Variants in MROH9 observed in about 807,000 individuals in gnomAD.
The protein encoded by MROH9 is maestro heat-like repeat-containing protein family member 9.
A neutral mutation model predicts 98.2 loss-of-function variants in MROH9; 92 were observed. That is an observed-to-expected ratio of 0.94 (90% CI 0.79 to 1.11). The LOEUF (loss-of-function observed/expected upper bound fraction) is 1.11. Ranked by LOEUF, MROH9 falls within the 50% of genes most tolerant of loss-of-function variation. The pLI, the probability that MROH9 is intolerant of heterozygous loss-of-function variation, is 0.00. For synonymous variants in MROH9, 397 were observed against 368.9 expected (o/e 1.08, Z -0.87); for missense variants, 1,057 against 1,014.8 (o/e 1.04, Z -0.57).
At chr1:171,064,022 C>A in intron 21 of MROH9, 77 bp from the exon 22 acceptor site, 1 of 1,389,490 alleles carries the variant, frequency 7.2e-7, no homozygotes, top group South Asian at 1.5e-5. Flanking sequence ...TGAAAGGTGG[C>A]AGGGCTGTTT....
chr1:171,003,431 G>T (rs554599421), intron 15 of MROH9, among the ~76,000 whole-genome samples: 2 of 152,252 alleles, frequency 1.3e-5, no homozygotes, highest in African/African-American at 4.8e-5. Context: ...GTCCCACAGG[G>T]TGTTCCCTTG....
At chr1:170,951,222 G>T (rs1236326617) in intron 3 of MROH9, among the ~76,000 whole-genome samples, 1 of 152,054 alleles carries the variant, frequency 6.6e-6, no homozygotes, top group South Asian at 2.1e-4. Context: ...AGAAAATTTA[G>T]AAAGTGCAAA....
intron 21 of MROH9, among the ~76,000 whole-genome samples, chr1:171,062,885 C>T (rs890382963): frequency 6.6e-6 from 1 of 152,134 alleles, no homozygotes; most frequent in South Asian, 2.1e-4. Context: ...CTCTCCTCAC[C>T]TATGCATAGC....
At chr1:170,987,502 T>C (rs1184500923) in intron 10 of MROH9, among the ~76,000 whole-genome samples, 1 of 152,198 alleles carries the variant, frequency 6.6e-6, no homozygotes, top group Non-Finnish European at 1.5e-5. Context: ...AGTCTCTCTC[T>C]CTCAATTCTT....
At chr1:170,973,828 T>A (rs750160608) in intron 8 of MROH9, among the ~76,000 whole-genome samples, 33 of 152,200 alleles carry the variant, frequency 2.2e-4, no homozygotes, top group Admixed American at 5.2e-4. Context: ...TGAGCTGGTA[T>A]CGTGCCACTG....
At chr1:170,970,385 G>A (rs1329259986) in intron 7 of MROH9, among the ~76,000 whole-genome samples, 3 of 142,524 alleles carry the variant, frequency 2.1e-5, no homozygotes, top group African/African-American at 8.6e-5. Context: ...TTGCCATCGA[G>A]TGGGAAAAAA....
chr1:171,025,262 G>A (rs1652666877), intron 19 of MROH9, 56 bp from the exon 20 acceptor site: 10 of 1,107,408 alleles, frequency 9.0e-6, no homozygotes, highest in African/African-American at 1.6e-5. Context: ...TCTGGAGGGA[G>A]CAAATGTTCT....
At chr1:171,044,244 T>C (rs1486379104) in intron 20 of MROH9, among the ~76,000 whole-genome samples, 7 of 152,228 alleles carry the variant, frequency 4.6e-5, no homozygotes. Context: ...TCTTTCATTC[T>C]GTTGATACAA....
intron 9 of MROH9, 131 bp from the exon 10 acceptor site, chr1:170,986,430 A>G (rs1651133576): frequency 1.4e-6 from 1 of 717,438 alleles, no homozygotes; most frequent in East Asian, 2.7e-5. Context: ...AGACTCCAAC[A>G]AGATGTATAT....
chr1:171,016,141 C>T lies in MROH9; in HGVS notation c.1735-22C>T, dbSNP rs530043792. The T allele has an allele frequency of 2.8e-6, 4 of 1,406,052 alleles. No homozygotes were observed. In the South Asian group the frequency reaches 6.9e-5, roughly 24 times the overall value. The allele number at this position is 1,406,052 out of a possible 1,614,324, so 87.1% of individuals were successfully genotyped here. Reference sequence around the variant, plus strand: ...TCTCCTGCTAGTTCCTAAATCCCACCATTTTTTCCTTTTATATGTAGACAG... The same window carrying T: ...TCTCCTGCTAGTTCCTAAATCCCACTATTTTTTCCTTTTATATGTAGACAG... On this transcript the variant is annotated intron_variant, in intron 16 of 21. Transcript: ENST00000367759.
At chr1:170,986,790 CT>C in intron 10 of MROH9, 80 bp downstream of exon 10, 1 of 1,392,872 alleles carries the variant, frequency 7.2e-7, no homozygotes. Flanking sequence ...ATGTCCACTT[CT>C]TTTTATATGT....
intron 8 of MROH9, among the ~76,000 whole-genome samples, chr1:170,979,832 A>C (rs1357005713): frequency 5.3e-5 from 8 of 152,200 alleles, no homozygotes; most frequent in Admixed American, 5.2e-4. Flanking sequence ...TTTTATATTT[A>C]GAAAACCCCA....
intron 15 of MROH9, among the ~76,000 whole-genome samples, chr1:171,003,726 C>A (rs1029997009): frequency 1.3e-5 from 2 of 152,138 alleles, no homozygotes; most frequent in Non-Finnish European, 1.5e-5. Context: ...GGCCTCCTGG[C>A]AGGAGATGGT....
chr1:171,034,534 T>A (rs1653034533), intron 20 of MROH9, among the ~76,000 whole-genome samples: 3 of 152,206 alleles, frequency 2.0e-5, no homozygotes. Flanking sequence ...TGTCCATTAA[T>A]GCATTTAATG....
chr1:170,950,967 T>C (rs985688377), intron 3 of MROH9, among the ~76,000 whole-genome samples: 4 of 152,030 alleles, frequency 2.6e-5, no homozygotes, highest in Non-Finnish European at 5.9e-5. Context: ...TTTCTTTGTC[T>C]CTAAGCCACT....
chr1:170,945,536 C>G lies in MROH9; in HGVS notation c.-21C>G, dbSNP rs779561113. ...TTTTTGCAGCATTACTAGTAGAAGACTTTAATACACCTCTGTCAGCATGTT... is the reference window on the plus strand; with the variant it reads ...TTTTTGCAGCATTACTAGTAGAAGAGTTTAATACACCTCTGTCAGCATGTT... On this transcript the variant is annotated 5_prime_UTR_variant, in exon 2 of 22. Transcript: ENST00000367759. 1 of 1,611,770 alleles carries G rather than the reference C, an allele frequency of 6.2e-7. No homozygotes were observed. The highest frequency in any genetic ancestry group is 1.3e-5 in the African/African-American group (1 of 74,768).
chr1:171,029,721 A>C (rs1422638050), intron 20 of MROH9, among the ~76,000 whole-genome samples: 1 of 152,188 alleles, frequency 6.6e-6, no homozygotes, highest in African/African-American at 2.4e-5. Context: ...GGATTTTTGC[A>C]TCGATGTTCA....
At chr1:170,973,375 C>T (rs371146805) in intron 8 of MROH9, among the ~76,000 whole-genome samples, 10 of 152,170 alleles carry the variant, frequency 6.6e-5, no homozygotes, top group East Asian at 3.9e-4. Context: ...AGTACTCAGA[C>T]GGGTTTTGTC....
At chr1:170,959,376 A>G in intron 4 of MROH9, 86 bp from the exon 5 acceptor site, 1 of 1,058,150 alleles carries the variant, frequency 9.5e-7, no homozygotes, top group Non-Finnish European at 1.3e-6. Flanking sequence ...CTCTGTCTCA[A>G]AATAAATAAA....
Sources: allele counts gnomAD v4.1 joint callset (sites outside exome capture counted in the v4.1 genomes callset), GRCh38; gene constraint gnomAD v4.1.1; transcripts MANE v1.5; gene names NCBI Gene and HGNC (gene_info 2026-07-23, HGNC 2026-07-21).